RAB11A: variants seen among roughly 807,000 people sequenced by gnomAD.
RAB11A encodes ras-related protein Rab-11A.
RAB11A carries 9 observed loss-of-function variants against 28.0 expected under a neutral mutation model. The observed-to-expected ratio is 0.32, with a 90% CI of 0.19 to 0.56. The LOEUF (loss-of-function observed/expected upper bound fraction) is 0.56. Among genes scored for constraint, RAB11A ranks in the 20% least tolerant of loss-of-function variants. The pLI, the probability that RAB11A is intolerant of heterozygous loss-of-function variation, is 0.91. For missense variants in RAB11A, 108 were observed against 269.6 expected, an observed-to-expected ratio of 0.40 and a Z score of 4.20; for synonymous variants, 85 against 88.2, an observed-to-expected ratio of 0.96 and a Z score of 0.20.
intron 4 of RAB11A, among the ~76,000 whole-genome samples, chr15:65,880,118 A>C (rs966089683): frequency 1.3e-5 from 2 of 152,248 alleles, no homozygotes; most frequent in Admixed American, 6.5e-5. Context: ...AAATTTAGTA[A>C]AGGCAAAGCT....
At position 65,888,039 on chromosome 15, in the gene RAB11A, G is replaced by T; in HGVS notation, c.*199G>T. On this transcript the variant is annotated 3_prime_UTR_variant, in exon 5 of 5. Coordinates refer to ENST00000261890, the MANE Select transcript of RAB11A (RefSeq NM_004663.5). The stretch of plus-strand genomic sequence containing the variant: ...TGACTGCAGCTTTTTTTCATGCTAT[G>T]GCTTCACTAGCCTTAGTTTAATAAA... The T allele has an allele frequency of 2.1e-6, 1 of 474,104 alleles. No homozygotes were observed. The highest frequency in any genetic ancestry group is 3.5e-6 in the Non-Finnish European group (1 of 282,088). The allele number at this position is 474,104 out of a possible 1,614,324, so 29.4% of individuals were successfully genotyped here.
At chr15:65,870,881 C>T (rs2078156258) in intron 1 of RAB11A, among the ~76,000 whole-genome samples, 2 of 150,698 alleles carry the variant, frequency 1.3e-5, no homozygotes, top group Non-Finnish European at 1.5e-5. Flanking sequence ...TTTTTTTAAT[C>T]AACGAAGATA....
chr15:65,881,696 C>T (rs771586879), intron 4 of RAB11A, among the ~76,000 whole-genome samples: 2 of 151,846 alleles, frequency 1.3e-5, no homozygotes, highest in Non-Finnish European at 2.9e-5. Context: ...AAAATTGAGC[C>T]CTTTAAGAGC....
rs569392058 is a variant in RAB11A, at chr15:65,889,506, G to C, written c.*1666G>C. ...TCCTTTGAGTGCTTTGGGTGCAGCC[G>C]TGGAATCCTGATGTAAAAGCATAGG... On this transcript the variant is annotated 3_prime_UTR_variant, in exon 5 of 5. Coordinates refer to ENST00000261890, the MANE Select transcript of RAB11A (RefSeq NM_004663.5). 1 of 152,080 alleles carries C rather than the reference G, an allele frequency of 6.6e-6. No individual in the cohort carries two copies. Among genetic ancestry groups the C allele is most frequent in the Admixed American group, 6.6e-5 (1 of 15,266 alleles). 9.4% of individuals were successfully genotyped at this position (152,080 alleles called of 1,614,324 possible).
rs1449908676 is a variant in RAB11A at position 65,877,380 on chromosome 15, G to T, written c.89G>T (p.Arg30Leu). 1.2e-6 allele frequency: 2 copies of T among 1,613,870 alleles called. No homozygotes were observed. Among genetic ancestry groups the T allele is most frequent in the South Asian group, 1.1e-5 (1 of 91,046 alleles). The change falls in exon 2 of 5, where the codon CGA (arginine) becomes CTA (leucine). Residue 30 changes from arginine (R) to leucine (L), a missense_variant. Coordinates refer to ENST00000261890, the MANE Select transcript of RAB11A (RefSeq NM_004663.5). This position sits in a 1 kb window ranked among gnomAD's most constrained non-coding sequence, Gnocchi z 4.1. Reference protein sequence around the residue: ...SGVGKSNLLSRFTRNEFNLES... With the variant: ...SGVGKSNLLSLFTRNEFNLES... ...GTTGGAAAGAGTAATCTCCTGTCTC[G>T]ATTTACTCGAAATGAGTTTAATCTG...
chr15:65,878,206 C>G (rs1442833170), intron 3 of RAB11A, among the ~76,000 whole-genome samples: 1 of 152,136 alleles, frequency 6.6e-6, no homozygotes, highest in Non-Finnish European at 1.5e-5. Flanking sequence ...TCTGTGTTTA[C>G]AAAGGCTGCT....
intron 4 of RAB11A, among the ~76,000 whole-genome samples, chr15:65,885,801 T>C (rs1222701088): frequency 6.6e-6 from 1 of 152,238 alleles, no homozygotes. Context: ...ACATGTACAC[T>C]GTACACTGGT....
chr15:65,879,850 G>C lies in RAB11A; in HGVS notation c.511+99G>C, dbSNP rs896198951. 11 of 910,148 alleles carry C rather than the reference G, an allele frequency of 1.2e-5. No individual in the cohort carries two copies. In the African/African-American group the frequency reaches 1.4e-4, roughly 11 times the overall value. 56.4% of individuals were successfully genotyped at this position (910,148 alleles called of 1,614,324 possible). A position where few individuals can be genotyped will look rare whatever the true frequency, so the allele number is the denominator to read the frequency against. On this transcript the variant is annotated intron_variant, in intron 4 of 4. Coordinates refer to ENST00000261890, the MANE Select transcript of RAB11A (RefSeq NM_004663.5). ...TAACTAAACTATATATCAGCCGAGA[G>C]TGACTATCATTTGAGAGCTACTCTA...
At chr15:65,875,558 C>T (rs1226147971) in intron 1 of RAB11A, among the ~76,000 whole-genome samples, 1 of 152,172 alleles carries the variant, frequency 6.6e-6, no homozygotes, top group Non-Finnish European at 1.5e-5. Context: ...ATGTGTTTGC[C>T]ACAGCATCTT....
At position 65,889,678 on chromosome 15, in the gene RAB11A, G is replaced by GT. The variant is rs1320766650; in HGVS notation, c.*1839dup. On this transcript the variant is annotated 3_prime_UTR_variant, in exon 5 of 5. Coordinates refer to ENST00000261890, the MANE Select transcript of RAB11A (RefSeq NM_004663.5). ...GTAGTGTGTATTTTCATATATAACA[G>GT]TGTCACCAGACCCAGGAAAAGAAAC... is the stretch of plus-strand genomic sequence containing the variant. 1 of 152,168 alleles carries GT rather than the reference G, an allele frequency of 6.6e-6. No individual in the cohort carries two copies. The highest frequency in any genetic ancestry group is 1.9e-4 in the East Asian group (1 of 5,198). 9.4% of individuals were successfully genotyped at this position (152,168 alleles called of 1,614,324 possible). A position where few individuals can be genotyped will look rare whatever the true frequency, so the allele number is the denominator to read the frequency against.
At chr15:65,885,002 C>G (rs570313164) in intron 4 of RAB11A, among the ~76,000 whole-genome samples, 25 of 150,458 alleles carry the variant, frequency 1.7e-4, no homozygotes, top group Admixed American at 6.6e-4. Flanking sequence ...CACACTGTCC[C>G]CAGGCTGGAG....
chr15:65,881,536 C>T (rs2078222390), intron 4 of RAB11A, among the ~76,000 whole-genome samples: 1 of 152,084 alleles, frequency 6.6e-6, no homozygotes, highest in East Asian at 1.9e-4. Flanking sequence ...TTTTTATGTT[C>T]CATCAAATCT....
rs2078197708 is a variant in RAB11A at position 65,877,607 on chromosome 15, C to T, written c.236+80C>T. ...CTGACTTTTGGTATTGGAAAAAGAA[C>T]TGTTGTTTTTTTCTTTTAAGAATTC... On this transcript the variant is annotated intron_variant, in intron 2 of 4. Coordinates refer to ENST00000261890, the MANE Select transcript of RAB11A (RefSeq NM_004663.5). This position sits in a 1 kb window ranked among gnomAD's most constrained non-coding sequence, Gnocchi z 4.1. The T allele has an allele frequency of 2.1e-6, 3 of 1,432,674 alleles. No homozygotes were observed. The highest frequency in any genetic ancestry group is 2.8e-6 in the Non-Finnish European group (3 of 1,059,826). The allele number at this position is 1,432,674 out of a possible 1,614,324, so 88.7% of individuals were successfully genotyped here. A position where few individuals can be genotyped will look rare whatever the true frequency, so the allele number is the denominator to read the frequency against.
chr15:65,874,818 A>G, intron 1 of RAB11A, among the ~76,000 whole-genome samples: 1 of 151,970 alleles, frequency 6.6e-6, no homozygotes, highest in East Asian at 2.0e-4. Flanking sequence ...GGCCAAAGCG[A>G]GTGGATCTTT....
rs2078277665 is a variant in RAB11A, at chr15:65,889,866, A to G, written c.*2026A>G. 6.6e-6 allele frequency: 1 copy of G among 152,232 alleles called. No individual in the cohort carries two copies. The highest frequency in any genetic ancestry group is 1.5e-5 in the Non-Finnish European group (1 of 68,042). 9.4% of individuals were successfully genotyped at this position (152,232 alleles called of 1,614,324 possible). A position where few individuals can be genotyped will look rare whatever the true frequency, so the allele number is the denominator to read the frequency against. ...TATGGCTGGATCTTGGGAGAATTCC[A>G]GGAAATATTAGGTATTAGAAAATGA... On this transcript the variant is annotated 3_prime_UTR_variant, in exon 5 of 5. Transcript: ENST00000261890.
intron 1 of RAB11A, among the ~76,000 whole-genome samples, chr15:65,873,086 G>A (rs1263478028): frequency 6.6e-6 from 1 of 152,230 alleles, no homozygotes; most frequent in Non-Finnish European, 1.5e-5. Context: ...TCTAAATTAT[G>A]TGTTTGTTCT....
rs1387265663 is a variant in RAB11A, at chr15:65,877,927, TC to T, written c.404del (p.Pro135LeufsTer22). ...GTGATCTACGTCATCTCAGGGCAGT[TC>T]CTACAGATGAAGCAAGAGCTTTTGC... ...KSDLRHLRAV[P>X]TDEARAFAEK... On this transcript the variant is annotated frameshift_variant, in exon 3 of 5. Transcript: ENST00000261890. LOFTEE classifies it high-confidence loss of function. The surrounding 1 kb of genome is among the most constrained non-coding windows in gnomAD (Gnocchi z 4.1). 1 of 1,613,750 alleles carries T rather than the reference TC, an allele frequency of 6.2e-7. No individual in the cohort carries two copies. Among genetic ancestry groups the T allele is most frequent in the Non-Finnish European group, 8.5e-7 (1 of 1,179,796 alleles).
intron 1 of RAB11A, among the ~76,000 whole-genome samples, chr15:65,875,341 C>G (rs145165258): frequency 6.6e-6 from 1 of 151,860 alleles, no homozygotes; most frequent in East Asian, 1.9e-4. Context: ...TAGCAAACAT[C>G]CAGCCTTTTG....
intron 3 of RAB11A, among the ~76,000 whole-genome samples, chr15:65,878,762 A>G (rs1416744397): frequency 1.3e-5 from 2 of 152,228 alleles, no homozygotes; most frequent in African/African-American, 4.8e-5. Context: ...TTTCTGTAAC[A>G]GTTTTTTAAA....
Sources: allele counts gnomAD v4.1 joint callset (sites outside exome capture counted in the v4.1 genomes callset), GRCh38; gene constraint gnomAD v4.1.1; non-coding constraint Gnocchi (gnomAD v3.1); transcripts MANE v1.5; gene names NCBI Gene and HGNC (gene_info 2026-07-23, HGNC 2026-07-21).